The following ULK2 variants were observed in gnomAD, a reference collection of about 807,000 sequenced individuals.
ULK2 encodes unc-51 like autophagy activating kinase 2.
In ULK2, 76 loss-of-function variants were observed where a neutral mutation model predicts 127.5. The observed-to-expected ratio is 0.60, with a 90% confidence interval of 0.50 to 0.72. The LOEUF (loss-of-function observed/expected upper bound fraction) is 0.72. Ranked by LOEUF, ULK2 falls within the 30% of genes least tolerant of loss-of-function variation. The pLI, the probability that ULK2 is intolerant of heterozygous loss-of-function variation, is 0.00. For synonymous variants in ULK2, 452 were observed against 461.9 expected, an observed-to-expected ratio of 0.98 and a Z score of 0.28; for missense variants, 1,144 against 1,295.9, an observed-to-expected ratio of 0.88 and a Z score of 1.80.
intron 24 of ULK2, 24 bp downstream of exon 24, chr17:19,780,962 G>C (rs1459453393): frequency 6.2e-7 from 1 of 1,607,096 alleles, no homozygotes; most frequent in East Asian, 2.2e-5. Flanking sequence ...GACCCCTGGA[G>C]TTACACGCTG....
chr17:19,859,842 G>C (rs1597824066), intron 3 of ULK2, among the ~76,000 whole-genome samples: 2 of 152,002 alleles, frequency 1.3e-5, no homozygotes, highest in Admixed American at 1.3e-4. Flanking sequence ...ACCACATCTG[G>C]CTAACTTTAT....
intron 20 of ULK2, among the ~76,000 whole-genome samples, chr17:19,789,979 C>A (rs2087117007): frequency 6.8e-6 from 1 of 148,046 alleles, no homozygotes; most frequent in Non-Finnish European, 1.5e-5. Flanking sequence ...ATGACCCGAT[C>A]AAAAATAATA....
At chr17:19,798,926 G>A (rs2087333168) in intron 17 of ULK2, among the ~76,000 whole-genome samples, 1 of 152,068 alleles carries the variant, frequency 6.6e-6, no homozygotes, top group Non-Finnish European at 1.5e-5. Context: ...ACTTTGGGAG[G>A]CCGAGGCGGG....
intron 26 of ULK2, among the ~76,000 whole-genome samples, chr17:19,777,265 C>T (rs1418431000): frequency 2.0e-5 from 3 of 152,180 alleles, no homozygotes; most frequent in South Asian, 2.1e-4. Context: ...CCATGATGCA[C>T]AGCTAATTTT....
At position 19,786,093 on chromosome 17, in the gene ULK2, CAA is replaced by C; in HGVS notation, c.2102-9_2102-8del. On this transcript the variant is annotated splice_polypyrimidine_tract_variant and splice_region_variant and intron_variant, in intron 20 of 26. Coordinates refer to ENST00000395544, the MANE Select transcript of ULK2 (RefSeq NM_014683.4). ...CCACAGGCTCCTGCCGGAGCTACAACAAAAAGTTTATAGAAGGTCATATTACC... is the reference window on the plus strand; with the variant it reads ...CCACAGGCTCCTGCCGGAGCTACAACAAAGTTTATAGAAGGTCATATTACC... 6.4e-7 allele frequency: 1 copy of C among 1,558,462 alleles called. No individual in the cohort carries two copies. The highest frequency in any genetic ancestry group is 8.6e-7 in the Non-Finnish European group (1 of 1,160,658).
rs1380225106 is a variant in ULK2 at position 19,816,842 on chromosome 17, A to G, written c.1003T>C (p.Ser335Pro). ...CTACTAGTACTGGCAGAATCTTTGGAAACTTGTAGATAGTTGGGAGGACCC... is the reference window on the plus strand; with the variant it reads ...CTACTAGTACTGGCAGAATCTTTGGGAACTTGTAGATAGTTGGGAGGACCC... ...PLGPPNYLQVSKDSASTSSKN... is the reference protein window; with the variant it reads ...PLGPPNYLQVPKDSASTSSKN... Residue 335 changes from serine to proline, a missense_variant, in exon 13 of 27, where the codon TCC becomes CCC. By Grantham distance (74) the Ser-to-Pro change is moderately conservative. Transcript: ENST00000395544. 4 of 1,612,762 alleles carry G rather than the reference A, an allele frequency of 2.5e-6. No individual in the cohort carries two copies. Among genetic ancestry groups the G allele is most frequent in the Non-Finnish European group, 3.4e-6 (4 of 1,179,652 alleles).
intron 8 of ULK2, 50 bp from the exon 9 acceptor site, chr17:19,841,597 T>A: frequency 7.0e-7 from 1 of 1,428,534 alleles, no homozygotes; most frequent in Non-Finnish European, 9.5e-7. Flanking sequence ...GGCAAAACTT[T>A]CAAATCATAT....
intron 10 of ULK2, among the ~76,000 whole-genome samples, chr17:19,830,231 C>T (rs2041403926): frequency 6.6e-6 from 1 of 151,412 alleles, no homozygotes; most frequent in Non-Finnish European, 1.5e-5. Flanking sequence ...GACAATGTTG[C>T]GCTCTGTTTT....
chr17:19,865,612 G>C, intron 2 of ULK2, 124 bp downstream of exon 2: 1 of 532,726 alleles, frequency 1.9e-6, no homozygotes, highest in South Asian at 2.9e-5. Context: ...CATGCAAAAA[G>C]GAGAGCAACA....
rs753885257 is a variant in ULK2, at chr17:19,804,724, T to A, written c.1264A>T (p.Ser422Cys). ...RIEQNLTSTA[S>C]SGTNVHGSPR... is the part of the protein sequence containing the mutation. ...GAACCATGTACATTTGTGCCTGAGC[T>A]GGCAGTAGATGTAAGATTCTGCTCT... Residue 422 changes from serine to cysteine, a missense_variant, in exon 15 of 27, where the codon AGC (serine) becomes TGC (cysteine). Coordinates refer to ENST00000395544, the MANE Select transcript of ULK2 (RefSeq NM_014683.4). 1.1e-5 allele frequency: 17 copies of A among 1,609,552 alleles called. 1 individual carries two copies. In the South Asian group the frequency reaches 1.9e-4, roughly 18 times the overall value.
At chr17:19,858,896 G>C (rs1486989202) in intron 3 of ULK2, among the ~76,000 whole-genome samples, 1 of 152,104 alleles carries the variant, frequency 6.6e-6, no homozygotes, top group Non-Finnish European at 1.5e-5. Flanking sequence ...CTTGAGCCCA[G>C]AAGGCAGAGG....
At chr17:19,865,572 T>C (rs2042334907) in intron 2 of ULK2, among the ~76,000 whole-genome samples, 164 bp downstream of exon 2, 1 of 152,084 alleles carries the variant, frequency 6.6e-6, no homozygotes, top group South Asian at 2.1e-4. Context: ...AAAAATAGCT[T>C]CCGAGTACTC....
intron 1 of ULK2, among the ~76,000 whole-genome samples, chr17:19,866,114 A>G (rs1188750287): frequency 6.6e-6 from 1 of 152,190 alleles, no homozygotes; most frequent in African/African-American, 2.4e-5. Flanking sequence ...GTAGAAATAA[A>G]CTTGGAAGGT....
chr17:19,862,347 T>C (rs1408964753), intron 3 of ULK2, among the ~76,000 whole-genome samples: 1 of 152,170 alleles, frequency 6.6e-6, no homozygotes, highest in African/African-American at 2.4e-5. Context: ...TCCACTTGCC[T>C]CAGCCTCCCA....
intron 22 of ULK2, among the ~76,000 whole-genome samples, chr17:19,782,591 A>G (rs1163738533): frequency 2.0e-5 from 3 of 152,302 alleles, no homozygotes; most frequent in East Asian, 1.9e-4. Context: ...GTGGGTAGAC[A>G]TAACAGCATT....
chr17:19,858,662 T>C (rs2042180803), intron 3 of ULK2, among the ~76,000 whole-genome samples: 1 of 151,278 alleles, frequency 6.6e-6, no homozygotes, highest in Non-Finnish European at 1.5e-5. Context: ...ACTGATACCC[T>C]AATGGTTTAA....
At chr17:19,850,957 T>A (rs1027554191) in intron 3 of ULK2, among the ~76,000 whole-genome samples, 3 of 151,902 alleles carry the variant, frequency 2.0e-5, no homozygotes, top group South Asian at 2.1e-4. Context: ...GGTGGGAGGA[T>A]CACTTGAGCC....
intron 25 of ULK2, among the ~76,000 whole-genome samples, chr17:19,779,498 C>T (rs146962329): frequency 2.3e-4 from 31 of 137,548 alleles, no homozygotes; most frequent in African/African-American, 5.0e-4. Flanking sequence ...TGCTGCTGCA[C>T]GTCAGCCTGG....
chr17:19,797,470 A>G lies in ULK2; in HGVS notation c.1735T>C (p.Leu579=). 6.2e-7 allele frequency: 1 copy of G among 1,613,974 alleles called. No individual in the cohort carries two copies. Among genetic ancestry groups the G allele is most frequent in the South Asian group, 1.1e-5 (1 of 91,054 alleles). The change falls in exon 18 of 27, where the codon TTG becomes CTG. Residue 579 remains leucine, a synonymous_variant. Transcript: ENST00000395544. ...TCAGAACTCCGTGGAGAGGACCCCA[A>G]GTGCTTGGTGGGAGAAGTTCCAAGG... ...GSLGTSPTKH[L]GSSPRSSDWF...
Sources: allele counts gnomAD v4.1 joint callset (sites outside exome capture counted in the v4.1 genomes callset), GRCh38; gene constraint gnomAD v4.1.1; transcripts MANE v1.5; gene names NCBI Gene and HGNC (gene_info 2026-07-23, HGNC 2026-07-21).